The following CEP112 variants were observed in gnomAD, a reference collection of about 807,000 sequenced individuals.
CEP112 encodes the protein centrosomal protein of 112 kDa.
In CEP112, 127 loss-of-function variants were observed where a neutral mutation model predicts 153.0. That is an observed-to-expected ratio of 0.83 (90% CI 0.72 to 0.96). The LOEUF is 0.96. CEP112 is among the 40% of genes least tolerant of loss of function. The pLI is 0.00. For synonymous variants in CEP112, 358 were observed against 374.4 expected (o/e 0.96, Z 0.51); for missense variants, 1,089 against 1,101.2 (o/e 0.99, Z 0.16).
At chr17:65,913,689 T>C (rs954348207) in intron 19 of CEP112, 2 of 985,408 alleles carry the variant, frequency 2.0e-6, no homozygotes, top group Non-Finnish European at 2.4e-6. Flanking sequence ...CCTGCCAGCA[T>C]ACACTGCTTC....
intron 21 of CEP112, among the ~76,000 whole-genome samples, chr17:65,814,862 T>C (rs1199787572): frequency 6.6e-6 from 1 of 152,182 alleles, no homozygotes; most frequent in East Asian, 1.9e-4. Context: ...AAGAGCCTAT[T>C]AAACCATTTT....
intron 4 of CEP112, among the ~76,000 whole-genome samples, chr17:66,150,772 T>C (rs553182437): frequency 6.6e-6 from 1 of 152,382 alleles, no homozygotes; most frequent in East Asian, 1.9e-4. Context: ...CTCCATCAAT[T>C]CCCAAGAAAA....
In CEP112 at chr17:66,142,722, C is replaced by T. The variant is rs72837157; in HGVS notation, c.471-9959G>A. On this transcript the variant is annotated intron_variant, in intron 4 of 26. Coordinates refer to ENST00000535342, the MANE Select transcript of CEP112 (RefSeq NM_001199165.4). ...CCATTGGTCTATATGTCTGTCTTTA[C>T]GCCAGTATCATACTGTTTCAATTAC... Among the ~76,000 whole-genome samples, 219 of 152,164 alleles carry T rather than the reference C, an allele frequency of 1.4e-3. 1 individual carries two copies. Among genetic ancestry groups the T allele is most frequent in the Non-Finnish European group, 2.2e-3 (148 of 67,976 alleles).
At chr17:65,925,956 T>C (rs546839896) in intron 19 of CEP112, among the ~76,000 whole-genome samples, 3 of 152,312 alleles carry the variant, frequency 2.0e-5, no homozygotes, top group African/African-American at 7.2e-5. Flanking sequence ...TAGGATCATG[T>C]TTACCAAAGC....
At chr17:65,907,905 C>T (rs2060142026) in intron 19 of CEP112, among the ~76,000 whole-genome samples, 1 of 152,124 alleles carries the variant, frequency 6.6e-6, no homozygotes, top group African/African-American at 2.4e-5. Context: ...GGTTGACCAA[C>T]AATAATGTCT....
intron 24 of CEP112, among the ~76,000 whole-genome samples, chr17:65,675,169 T>C (rs1011569273): frequency 6.6e-6 from 1 of 152,142 alleles, no homozygotes; most frequent in Non-Finnish European, 1.5e-5. Flanking sequence ...GTCTAATATA[T>C]ACATAATTGT....
intron 23 of CEP112, among the ~76,000 whole-genome samples, chr17:65,724,992 C>T (rs1225641034): frequency 1.3e-5 from 2 of 152,144 alleles, no homozygotes; most frequent in Non-Finnish European, 2.9e-5. Context: ...CCCCAAATAC[C>T]TCCTCCTACT....
At chr17:66,134,109 G>A (rs1289842295) in intron 4 of CEP112, among the ~76,000 whole-genome samples, 3 of 152,046 alleles carry the variant, frequency 2.0e-5, no homozygotes, top group Middle Eastern at 3.4e-3. Flanking sequence ...AAGCAGTGGC[G>A]TATTCTTAAG....
intron 2 of CEP112, chr17:66,182,281 TA>T (rs1177626277): frequency 4.6e-5 from 7 of 152,230 alleles, no homozygotes; most frequent in African/African-American, 1.7e-4. Context: ...ACCTAACTGA[TA>T]AACTAAATTT....
At chr17:65,721,400 T>C (rs1207138094) in intron 23 of CEP112, among the ~76,000 whole-genome samples, 1 of 152,156 alleles carries the variant, frequency 6.6e-6, no homozygotes, top group African/African-American at 2.4e-5. Flanking sequence ...AGTGGTAGCA[T>C]TTAAAAAGAC....
In CEP112 at chr17:66,063,056, T is replaced by G; in HGVS notation, c.981A>C (p.Gln327His). 6.3e-7 allele frequency: 1 copy of G among 1,589,750 alleles called. No individual in the cohort carries two copies. Among genetic ancestry groups the G allele is most frequent in the Non-Finnish European group, 8.6e-7 (1 of 1,169,422 alleles). The change falls in exon 11 of 27, where the codon CAA becomes CAC. Residue 327 changes from glutamine to histidine, a missense_variant. Gln to His is a conservative substitution (Grantham distance 24). Transcript: ENST00000535342. ...KKVQTLIRDCQVIRETKEDQI... is the reference protein window; with the variant it reads ...KKVQTLIRDCHVIRETKEDQI... ...GGTCTTCTTTAGTCTCTCTGATAAC[T>G]TGACAGTCACGTATCAGTGTCTGAA...
At chr17:65,972,910 C>T (rs1183344759) in intron 17 of CEP112, among the ~76,000 whole-genome samples, 1 of 152,126 alleles carries the variant, frequency 6.6e-6, no homozygotes, top group Non-Finnish European at 1.5e-5. Context: ...GGATTACAGG[C>T]ACCTGCCACC....
intron 23 of CEP112, among the ~76,000 whole-genome samples, chr17:65,714,178 T>C (rs2049362288): frequency 6.6e-6 from 1 of 152,130 alleles, no homozygotes; most frequent in Non-Finnish European, 1.5e-5. Flanking sequence ...TGTCACTCTC[T>C]TCCATACATA....
intron 12 of CEP112, among the ~76,000 whole-genome samples, chr17:66,050,208 T>C (rs1378403271): frequency 2.0e-5 from 3 of 152,256 alleles, no homozygotes; most frequent in Admixed American, 2.0e-4. Context: ...CTCCAGTGTC[T>C]TCTGGAAATG....
intron 21 of CEP112, among the ~76,000 whole-genome samples, chr17:65,751,780 T>C (rs1029011746): frequency 3.9e-5 from 6 of 152,204 alleles, no homozygotes; most frequent in Non-Finnish European, 8.8e-5. Context: ...AGCATCATCA[T>C]TAACATCCCT....
chr17:65,726,727 A>G (rs2050204808), intron 23 of CEP112, among the ~76,000 whole-genome samples: 1 of 152,224 alleles, frequency 6.6e-6, no homozygotes, highest in Admixed American at 6.5e-5. Context: ...GATATAAAAT[A>G]AAAAATGGAA....
At chr17:65,956,105 C>T (rs1017034042) in intron 18 of CEP112, among the ~76,000 whole-genome samples, 12 of 152,006 alleles carry the variant, frequency 7.9e-5, no homozygotes, top group African/African-American at 2.4e-4. Context: ...GGCCACAAAA[C>T]GAGTCTCAGT....
At chr17:65,702,246 GT>G (rs1213888220) in intron 23 of CEP112, among the ~76,000 whole-genome samples, 17 of 152,102 alleles carry the variant, frequency 1.1e-4, no homozygotes. Context: ...CTCTTTCCCA[GT>G]TGTGTCCTCC....
chr17:65,853,346 G>A (rs538061218), intron 20 of CEP112, among the ~76,000 whole-genome samples: 4 of 152,124 alleles, frequency 2.6e-5, no homozygotes, highest in Non-Finnish European at 5.9e-5. Context: ...TGTCTCTGTG[G>A]TGCTGTATTT....
Sources: gnomAD v4.1 joint callset for allele counts (sites outside exome capture counted in the v4.1 genomes callset) on GRCh38, gnomAD v4.1.1 for gene constraint, MANE v1.5 for transcripts, NCBI Gene and HGNC (gene_info 2026-07-23, HGNC 2026-07-21) for gene names.